The following AGBL4 variants were observed in gnomAD, a reference collection of about 807,000 sequenced individuals.
The protein encoded by AGBL4 is cytosolic carboxypeptidase 6.
A neutral mutation model predicts 66.4 loss-of-function variants in AGBL4; 58 were observed. That is an observed-to-expected ratio of 0.87 (90% CI 0.71 to 1.09). The LOEUF (loss-of-function observed/expected upper bound fraction) is 1.09, where lower values mean the gene tolerates loss of function less well. AGBL4 is among the 50% of genes least tolerant of loss of function. AGBL4 has a pLI of 0.00. For synonymous variants in AGBL4, 234 were observed against 222.9 expected (o/e 1.05, Z -0.44); for missense variants, 579 against 631.0 (o/e 0.92, Z 0.88).
chr1:48,960,180 G>A (rs1471894059), intron 5 of AGBL4, among the ~76,000 whole-genome samples: 1 of 152,042 alleles, frequency 6.6e-6, no homozygotes, highest in Non-Finnish European at 1.5e-5. Context: ...TAGGAATATG[G>A]ATATATATTG....
intron 5 of AGBL4, among the ~76,000 whole-genome samples, chr1:48,967,562 G>A (rs975404130): frequency 6.6e-6 from 1 of 152,122 alleles, no homozygotes; most frequent in South Asian, 2.1e-4. Context: ...GATATACTTC[G>A]TACAGAGATT....
At chr1:48,900,155 A>G (rs989398170) in intron 5 of AGBL4, among the ~76,000 whole-genome samples, 1 of 152,176 alleles carries the variant, frequency 6.6e-6, no homozygotes, top group Non-Finnish European at 1.5e-5. Flanking sequence ...AGGAATTGAG[A>G]GACCAGAGTG....
At chr1:49,151,200 C>T (rs1005310108) in intron 4 of AGBL4, among the ~76,000 whole-genome samples, 26 of 147,968 alleles carry the variant, frequency 1.8e-4, no homozygotes, top group East Asian at 1.0e-3. Context: ...ACCTGGGAGG[C>T]GAAGCTTGCA....
chr1:48,818,957 C>T (rs1395545869), intron 6 of AGBL4, among the ~76,000 whole-genome samples: 2 of 152,072 alleles, frequency 1.3e-5, no homozygotes, highest in African/African-American at 4.8e-5. Context: ...AGCTAGCCTG[C>T]ATCATGGAAA....
chr1:48,937,317 A>T (rs1277137830), intron 5 of AGBL4, among the ~76,000 whole-genome samples: 1 of 152,170 alleles, frequency 6.6e-6, no homozygotes, highest in Non-Finnish European at 1.5e-5. Context: ...AATTGGTGGG[A>T]GTTATTATTA....
chr1:49,653,441 C>A (rs954676945), intron 3 of AGBL4, among the ~76,000 whole-genome samples: 5 of 151,882 alleles, frequency 3.3e-5, no homozygotes, highest in African/African-American at 7.3e-5. Flanking sequence ...ACGTCTCCAG[C>A]AAGGGCACAG....
chr1:48,814,998 A>G (rs1378553450), intron 6 of AGBL4, among the ~76,000 whole-genome samples: 1 of 152,132 alleles, frequency 6.6e-6, no homozygotes, highest in Middle Eastern at 3.2e-3. Flanking sequence ...CAGTGGCTGT[A>G]CTAGTTTACA....
At chr1:49,028,195 G>T (rs1010781199) in intron 5 of AGBL4, among the ~76,000 whole-genome samples, 10 of 152,120 alleles carry the variant, frequency 6.6e-5, no homozygotes, top group Non-Finnish European at 1.3e-4. Flanking sequence ...TAGCTAGAAG[G>T]TTAGAATAAA....
intron 1 of AGBL4, among the ~76,000 whole-genome samples, chr1:49,875,417 T>G (rs968727997): frequency 6.4e-5 from 9 of 140,232 alleles, no homozygotes; most frequent in East Asian, 4.3e-4. Context: ...TTTGGTTTTT[T>G]GTTCTTGCGA....
chr1:49,763,254 C>G lies in AGBL4; in HGVS notation c.158-65817G>C, dbSNP rs1369339481. ...GTTGATGTCAGATTTTATGCCAGTC[C>G]CATGCTGTGTTAGTTACTACAGCCT... is the stretch of plus-strand genomic sequence containing the variant. On this transcript the variant is annotated intron_variant, in intron 2 of 13. Coordinates refer to ENST00000371839, the MANE Select transcript of AGBL4 (RefSeq NM_032785.4). Among the ~76,000 whole-genome samples, 4 of 152,148 alleles carry G rather than the reference C, an allele frequency of 2.6e-5. No homozygotes were observed. The East Asian group carries it at 7.7e-4, about 29-fold the overall frequency.
intron 11 of AGBL4, among the ~76,000 whole-genome samples, chr1:48,551,110 T>C (rs893167918): frequency 2.6e-5 from 4 of 152,238 alleles, no homozygotes; most frequent in African/African-American, 9.6e-5. Context: ...ACTGATTCAC[T>C]GTCACCTCCA....
chr1:48,774,374 C>T (rs1367326005), intron 6 of AGBL4, among the ~76,000 whole-genome samples: 2 of 152,110 alleles, frequency 1.3e-5, no homozygotes, highest in Admixed American at 6.6e-5. Context: ...AATGAATTCC[C>T]GAACTCACCC....
intron 5 of AGBL4, among the ~76,000 whole-genome samples, chr1:48,972,022 A>C (rs559419915): frequency 6.6e-6 from 1 of 152,306 alleles, no homozygotes; most frequent in South Asian, 2.1e-4. Context: ...TGAGAGAATG[A>C]TCAAGGCTTG....
At chr1:49,620,159 G>GAAACT (rs924759080) in intron 3 of AGBL4, among the ~76,000 whole-genome samples, 23 of 152,034 alleles carry the variant, frequency 1.5e-4, no homozygotes, top group Non-Finnish European at 3.4e-4. Context: ...CACAGCAAAA[G>GAAACT]AAACTATTAC....
chr1:48,996,536 T>C (rs1217391719), intron 5 of AGBL4, among the ~76,000 whole-genome samples: 1 of 152,136 alleles, frequency 6.6e-6, no homozygotes, highest in East Asian at 1.9e-4. Flanking sequence ...AGGAAGTAGG[T>C]TGTCAGTTAA....
intron 5 of AGBL4, among the ~76,000 whole-genome samples, chr1:48,980,958 A>G (rs999808707): frequency 1.3e-5 from 2 of 151,926 alleles, no homozygotes; most frequent in African/African-American, 2.4e-5. Flanking sequence ...TTGAAATATT[A>G]GAAAGCTTAT....
chr1:49,247,390 CT>C (rs960962667), intron 3 of AGBL4, among the ~76,000 whole-genome samples: 6 of 152,016 alleles, frequency 3.9e-5, no homozygotes, highest in African/African-American at 7.2e-5. Context: ...ATCTCTAGGC[CT>C]TTTGGTTTCA....
At chr1:49,287,734 G>T (rs1267463258) in intron 3 of AGBL4, among the ~76,000 whole-genome samples, 1 of 149,236 alleles carries the variant, frequency 6.7e-6, no homozygotes, top group Non-Finnish European at 1.5e-5. Context: ...GAGAGGATGT[G>T]GAGAAATAGG....
At chr1:49,646,300 T>C (rs1366617116) in intron 3 of AGBL4, among the ~76,000 whole-genome samples, 6 of 151,950 alleles carry the variant, frequency 3.9e-5, no homozygotes, top group Non-Finnish European at 8.8e-5. Context: ...CTATGGAATC[T>C]ATGTGAAAAG....
Sources: allele counts gnomAD v4.1 joint callset (sites outside exome capture counted in the v4.1 genomes callset), GRCh38; gene constraint gnomAD v4.1.1; transcripts MANE v1.5; gene names NCBI Gene and HGNC (gene_info 2026-07-23, HGNC 2026-07-21).